The following ACBD6 variants were observed in gnomAD, a reference collection of about 807,000 sequenced individuals.
ACBD6 encodes the protein acyl-CoA-binding domain-containing protein 6.
ACBD6 carries 28 observed loss-of-function variants against 37.2 expected under a neutral mutation model. The ratio of observed to expected loss-of-function variants is 0.75; its 90% CI spans 0.56 to 1.03. The LOEUF is 1.03. ACBD6 is among the 50% of genes least tolerant of loss of function. The pLI, the probability that ACBD6 is intolerant of heterozygous loss-of-function variation, is 0.00. For missense variants in ACBD6, 340 were observed against 337.4 expected (o/e 1.01, Z -0.06); for synonymous variants, 113 against 126.8 (o/e 0.89, Z 0.73).
At chr1:180,318,687 T>C (rs1053462761) in intron 6 of ACBD6, among the ~76,000 whole-genome samples, 4 of 152,144 alleles carry the variant, frequency 2.6e-5, no homozygotes, top group African/African-American at 9.7e-5. Context: ...AACCCCGGAC[T>C]TGGAGCACAG....
chr1:180,373,730 TA>T (rs887723798), intron 6 of ACBD6, among the ~76,000 whole-genome samples: 1 of 152,054 alleles, frequency 6.6e-6, no homozygotes, highest in Non-Finnish European at 1.5e-5. Context: ...CTCCAGACAT[TA>T]AAAAAAGTAA....
intron 3 of ACBD6, among the ~76,000 whole-genome samples, chr1:180,479,124 C>A (rs2102068012): frequency 6.6e-6 from 1 of 152,292 alleles, no homozygotes; most frequent in South Asian, 2.1e-4. Flanking sequence ...CACAGCAAGA[C>A]CTTGTCTCTA....
intron 3 of ACBD6, among the ~76,000 whole-genome samples, chr1:180,451,013 T>C (rs562444059): frequency 6.6e-6 from 1 of 152,196 alleles, no homozygotes; most frequent in African/African-American, 2.4e-5. Context: ...AAAGACTGTA[T>C]GCTAGAATAA....
Position 180,467,607 on chromosome 1 carries a change from C to G in ACBD6, c.384+24662G>C, listed in dbSNP as rs894487277. ...TTGAGGCCGCAGGGAGCTATGATCA[C>G]GCTACTGCACCGCAGCTGGGTGACA... On this transcript the variant is annotated intron_variant, in intron 3 of 7. Transcript: ENST00000367595. 2.0e-5 allele frequency among the ~76,000 whole-genome samples: 3 copies of G among 151,930 alleles called. No individual in the cohort carries two copies. The East Asian group carries it at 5.8e-4, about 29-fold the overall frequency.
intron 4 of ACBD6, among the ~76,000 whole-genome samples, chr1:180,419,897 G>A (rs1015790929): frequency 1.3e-5 from 2 of 152,134 alleles, no homozygotes; most frequent in Non-Finnish European, 2.9e-5. Context: ...GTAGCTTTGT[G>A]AAAATACACC....
intron 3 of ACBD6, among the ~76,000 whole-genome samples, chr1:180,480,364 A>G (rs1650980840): frequency 6.6e-6 from 1 of 152,250 alleles, no homozygotes; most frequent in Non-Finnish European, 1.5e-5. Flanking sequence ...TACTTAAAAG[A>G]TAAAATTAGT....
intron 3 of ACBD6, among the ~76,000 whole-genome samples, chr1:180,457,961 T>C (rs1649988824): frequency 6.6e-6 from 1 of 151,918 alleles, no homozygotes; most frequent in African/African-American, 2.4e-5. Context: ...CCCAGCTAAA[T>C]TTTGTATTTT....
chr1:180,358,452 A>C (rs1177903029), intron 6 of ACBD6, among the ~76,000 whole-genome samples: 1 of 85,188 alleles, frequency 1.2e-5, no homozygotes, highest in African/African-American at 4.2e-5. Flanking sequence ...AACAACAAAA[A>C]AAAAAAACCT....
At chr1:180,408,420 C>G (rs1020584855) in intron 5 of ACBD6, among the ~76,000 whole-genome samples, 1 of 151,266 alleles carries the variant, frequency 6.6e-6, no homozygotes, top group East Asian at 1.9e-4. Flanking sequence ...ATCGCAAAGA[C>G]AAAAAATCAA....
At chr1:180,481,245 A>AT (rs55810683) in intron 3 of ACBD6, among the ~76,000 whole-genome samples, 71,981 of 147,326 alleles carry the variant, frequency 0.49, 19,877 homozygotes, top group South Asian at 0.66. Flanking sequence ...CTTGTTTTTG[A>AT]TTTTTTTTTT....
intron 5 of ACBD6, among the ~76,000 whole-genome samples, chr1:180,411,417 C>A (rs1442086679): frequency 6.6e-6 from 1 of 152,162 alleles, no homozygotes; most frequent in Non-Finnish European, 1.5e-5. Context: ...ATGTAGCTAT[C>A]TTCACTGTTG....
intron 4 of ACBD6, among the ~76,000 whole-genome samples, chr1:180,416,838 T>G (rs10798763): frequency 0.95 from 145,358 of 152,208 alleles, 69,474 homozygotes; most frequent in African/African-American, 0.99. Flanking sequence ...CTTATCAAAA[T>G]AATATTTCAA....
chr1:180,337,276 C>G (rs540206585), intron 6 of ACBD6, among the ~76,000 whole-genome samples: 1 of 152,164 alleles, frequency 6.6e-6, no homozygotes, highest in Non-Finnish European at 1.5e-5. Flanking sequence ...AAAACCGAAT[C>G]CAGCAGCACA....
At chr1:180,351,709 G>A (rs537418744) in intron 6 of ACBD6, among the ~76,000 whole-genome samples, 1 of 151,112 alleles carries the variant, frequency 6.6e-6, no homozygotes, top group East Asian at 1.9e-4. Flanking sequence ...GAACCTTCAA[G>A]TATTGCTAAT....
intron 8 of ACBD6, among the ~76,000 whole-genome samples, chr1:180,281,964 C>A (rs1048446119): frequency 3.9e-5 from 6 of 152,224 alleles, no homozygotes; most frequent in African/African-American, 1.4e-4. Flanking sequence ...CATGTAACAT[C>A]TGTCTCTTTT....
chr1:180,369,975 T>C (rs538756919), intron 6 of ACBD6, among the ~76,000 whole-genome samples: 6 of 152,344 alleles, frequency 3.9e-5, no homozygotes, highest in African/African-American at 1.4e-4. Context: ...ATTCTTTTTT[T>C]CTTTTCCATA....
In ACBD6 at chr1:180,497,714, T is replaced by A. The variant is rs554788962; in HGVS notation, c.223-2189A>T. 5.9e-5 allele frequency among the ~76,000 whole-genome samples: 9 copies of A among 152,330 alleles called. No individual in the cohort carries two copies. In the South Asian group the frequency reaches 1.9e-3, roughly 32 times the overall value. ...AAAAGTAGCACTGTTTTACATTTTT[T>A]AATTTTTTTAATGTCTCGCTTAGTA... On this transcript the variant is annotated intron_variant, in intron 1 of 7. Coordinates refer to ENST00000367595, the MANE Select transcript of ACBD6 (RefSeq NM_032360.4).
intron 6 of ACBD6, among the ~76,000 whole-genome samples, chr1:180,331,609 A>G (rs1488798470): frequency 1.3e-5 from 2 of 152,212 alleles, no homozygotes; most frequent in Non-Finnish European, 1.5e-5. Context: ...GGGCTACAAT[A>G]TATTTTGCTA....
At chr1:180,449,764 A>G (rs1035050518) in intron 3 of ACBD6, among the ~76,000 whole-genome samples, 1 of 151,798 alleles carries the variant, frequency 6.6e-6, no homozygotes, top group Non-Finnish European at 1.5e-5. Context: ...GGCCTGTTGT[A>G]GGGTGGGGAC....
Sources: gnomAD v4.1 joint callset for allele counts (sites outside exome capture counted in the v4.1 genomes callset) on GRCh38, gnomAD v4.1.1 for gene constraint, MANE v1.5 for transcripts, NCBI Gene and HGNC (gene_info 2026-07-23, HGNC 2026-07-21) for gene names.